The following BRD4 variants were observed in gnomAD, a reference collection of about 807,000 sequenced individuals.
BRD4 encodes bromodomain-containing protein 4.
BRD4 carries 16 observed loss-of-function variants against 142.1 expected under a neutral mutation model. The ratio of observed to expected loss-of-function variants is 0.11; its 90% CI spans 0.08 to 0.17. BRD4 has a LOEUF of 0.17. Ranked by LOEUF, BRD4 falls within the 10% of genes least tolerant of loss-of-function variation. The pLI is 1.00. For missense variants in BRD4, 1,424 were observed against 1,810.9 expected (o/e 0.79, Z 3.88); for synonymous variants, 833 against 707.5 (o/e 1.18, Z -2.82).
At chr19:15,301,211 T>C (rs1193832515) in intron 1 of BRD4, among the ~76,000 whole-genome samples, 1 of 152,236 alleles carries the variant, frequency 6.6e-6, no homozygotes, top group Non-Finnish European at 1.5e-5. Context: ...TGATGCCATT[T>C]TCCATTTAAT....
At chr19:15,271,632 T>C (rs1034869003) in intron 2 of BRD4, among the ~76,000 whole-genome samples, 11 of 152,120 alleles carry the variant, frequency 7.2e-5, no homozygotes, top group South Asian at 4.1e-4. Flanking sequence ...CAGCTAGAGA[T>C]TGGTGCAGTG....
rs1195057308 is a variant in BRD4, at chr19:15,235,599, A to G, written c.*2778T>C. On this transcript the variant is annotated 3_prime_UTR_variant, in exon 20 of 20. Transcript: ENST00000679869. ...AAAAAAAACCTTTCGTATGTAAGTG[A>G]AAAGTCTACGAATTCCCTTCTACAA... 6.6e-6 allele frequency: 1 copy of G among 152,140 alleles called. No homozygotes were observed. Among genetic ancestry groups the G allele is most frequent in the Non-Finnish European group, 1.5e-5 (1 of 68,034 alleles). The allele number at this position is 152,140 out of a possible 1,614,324, so 9.4% of individuals were successfully genotyped here. A position where few individuals can be genotyped will look rare whatever the true frequency, so the allele number is the denominator to read the frequency against.
chr19:15,255,577 C>A lies in BRD4; in HGVS notation c.1767G>T (p.Ala589=). Residue 589 remains alanine, a synonymous_variant, in exon 10 of 20, where the codon GCG becomes GCT. Coordinates refer to ENST00000679869, the MANE Select transcript of BRD4 (RefSeq NM_001379291.1). ...TGGGAGGGGGCTTGCTCTTCATGGGCGCTGGCTCCTTCTTGCTACGAAGGG... is the reference window on the plus strand; with the variant it reads ...TGGGAGGGGGCTTGCTCTTCATGGGAGCTGGCTCCTTCTTGCTACGAAGGG... ...SNSNVSKKEP[A]PMKSKPPPTY... 6.2e-7 allele frequency: 1 copy of A among 1,604,698 alleles called. No individual in the cohort carries two copies. Among genetic ancestry groups the A allele is most frequent in the Non-Finnish European group, 8.5e-7 (1 of 1,172,604 alleles).
intron 1 of BRD4, among the ~76,000 whole-genome samples, chr19:15,322,867 CAAAAAAAAAA>C (rs71333367): frequency 3.1e-5 from 2 of 65,504 alleles, no homozygotes; most frequent in African/African-American, 5.8e-5. Flanking sequence ...ACTCTGTCTC[CAAAAAAAAAA>C]AAAAAAAGAA....
chr19:15,286,412 A>G (rs1368108795), intron 1 of BRD4, among the ~76,000 whole-genome samples: 4 of 152,170 alleles, frequency 2.6e-5, no homozygotes, highest in African/African-American at 9.7e-5. Flanking sequence ...AGGGCATGGG[A>G]GAGGAAGGTG....
chr19:15,251,439 G>C (rs796524792), intron 11 of BRD4, among the ~76,000 whole-genome samples: 1 of 32,638 alleles, frequency 3.1e-5, no homozygotes, highest in Admixed American at 2.6e-4. Context: ...ACACAAGAAC[G>C]GGGGGGGGGG....
chr19:15,272,997 G>T lies in BRD4; in HGVS notation c.103C>A (p.Pro35Thr). 1 of 1,614,154 alleles carries T rather than the reference G, an allele frequency of 6.2e-7. No individual in the cohort carries two copies. The highest frequency in any genetic ancestry group is 8.5e-7 in the Non-Finnish European group (1 of 1,180,020). Residue 35 changes from proline (P) to threonine (T), a missense_variant, in exon 2 of 20, where the codon CCC (proline) becomes ACC (threonine). Around this residue, in one of 16 missense-constraint regions of BRD4, gnomAD observed 70 missense variants for 69.8 expected, o/e 1.00. Transcript: ENST00000679869. ...GTGCTGGCTGCGTTGGCTGGCTGGGGTTGGGCCTGGGCCTGTGTTGTAGAC... is the reference window on the plus strand; with the variant it reads ...GTGCTGGCTGCGTTGGCTGGCTGGGTTTGGGCCTGGGCCTGTGTTGTAGAC... The part of the protein sequence containing the change: ...QMSTTQAQAQ[P>T]QPANAASTNP...
At chr19:15,271,645 C>T (rs1485510058) in intron 2 of BRD4, among the ~76,000 whole-genome samples, 7 of 152,176 alleles carry the variant, frequency 4.6e-5, no homozygotes, top group Admixed American at 2.6e-4. Flanking sequence ...GTGCAGTGAG[C>T]TCCCCCAACA....
intron 1 of BRD4, among the ~76,000 whole-genome samples, chr19:15,298,034 A>G (rs1022554381): frequency 6.6e-6 from 1 of 152,252 alleles, no homozygotes; most frequent in African/African-American, 2.4e-5. Context: ...GCACAAGATG[A>G]TGGCCTGCCT....
At chr19:15,320,526 T>C (rs1006718081) in intron 1 of BRD4, among the ~76,000 whole-genome samples, 3 of 152,200 alleles carry the variant, frequency 2.0e-5, no homozygotes, top group Non-Finnish European at 4.4e-5. Context: ...AGACCTAATG[T>C]GATAAACACA....
intron 11 of BRD4, 183 bp from the exon 12 acceptor site, chr19:15,244,945 TCACCTACC>T: frequency 1.9e-6 from 2 of 1,080,826 alleles, no homozygotes; most frequent in Middle Eastern, 3.1e-4. Flanking sequence ...ATGCGAGGCA[TCACCTACC>T]CACTTGCCTG....
At chr19:15,305,626 T>G (rs1206678192) in intron 1 of BRD4, among the ~76,000 whole-genome samples, 1 of 152,240 alleles carries the variant, frequency 6.6e-6, no homozygotes, top group Non-Finnish European at 1.5e-5. Context: ...CAGAGTAGAT[T>G]TAGCATAATT....
intron 1 of BRD4, among the ~76,000 whole-genome samples, chr19:15,313,532 C>T (rs1197440128): frequency 1.3e-5 from 2 of 151,658 alleles, no homozygotes; most frequent in Admixed American, 6.6e-5. Flanking sequence ...AAAAATTTGC[C>T]GGGCGTGGTG....
At position 15,255,511 on chromosome 19, in the gene BRD4, G is replaced by A; in HGVS notation, c.1833C>T (p.Ser611=). 1.2e-6 allele frequency: 2 copies of A among 1,614,180 alleles called. No homozygotes were observed. The highest frequency in any genetic ancestry group is 1.1e-5 in the South Asian group (1 of 91,086). Residue 611 remains serine (S), a synonymous_variant, in exon 10 of 20, where the codon TCC becomes TCT. Transcript: ENST00000679869. ...AGCTGAGCTGCCGCTTCTCCTCATAGGACATAGGCTTGCACTTGTCCTCTT... is the reference window on the plus strand; with the variant it reads ...AGCTGAGCTGCCGCTTCTCCTCATAAGACATAGGCTTGCACTTGTCCTCTT... ...SEEEDKCKPM[S]YEEKRQLSLD...
At chr19:15,269,897 A>G in intron 2 of BRD4, among the ~76,000 whole-genome samples, 1 of 152,224 alleles carries the variant, frequency 6.6e-6, no homozygotes, top group Non-Finnish European at 1.5e-5. Flanking sequence ...TCATTTTTAA[A>G]AACAACCACA....
chr19:15,302,439 G>A (rs1051631510), intron 1 of BRD4, among the ~76,000 whole-genome samples: 2 of 151,204 alleles, frequency 1.3e-5, no homozygotes, highest in South Asian at 2.1e-4. Flanking sequence ...GTTCGGCCAC[G>A]CACGGTGGCT....
chr19:15,313,836 T>TCC (rs1177922766), intron 1 of BRD4, among the ~76,000 whole-genome samples: 1 of 152,130 alleles, frequency 6.6e-6, no homozygotes, highest in African/African-American at 2.4e-5. Flanking sequence ...GTGTGCATCA[T>TCC]CCACCTTGCT....
Position 15,237,933 on chromosome 19 carries a change from G to C in BRD4, c.*444C>G, listed in dbSNP as rs2145495791. On this transcript the variant is annotated 3_prime_UTR_variant, in exon 20 of 20. Coordinates refer to ENST00000679869, the MANE Select transcript of BRD4 (RefSeq NM_001379291.1). ...GGCCTGCCCTGGCCTCCTGGGAGCG[G>C]GCGGCGATGGCTGGGGTGTGGGGAA... The C allele has an allele frequency of 4.1e-6, 1 of 242,554 alleles. No homozygotes were observed. Among genetic ancestry groups the C allele is most frequent in the East Asian group, 6.0e-5 (1 of 16,746 alleles). 15.0% of individuals were successfully genotyped at this position (242,554 alleles called of 1,614,324 possible).
At chr19:15,316,057 G>A (rs1388796705) in intron 1 of BRD4, among the ~76,000 whole-genome samples, 2 of 149,344 alleles carry the variant, frequency 1.3e-5, no homozygotes, top group Admixed American at 6.8e-5. Flanking sequence ...TTGGGAGGCC[G>A]AGGCAGAAGA....
Sources: gnomAD v4.1 joint callset for allele counts (sites outside exome capture counted in the v4.1 genomes callset) on GRCh38, gnomAD v4.1.1 for gene constraint, gnomAD v4.1.1 regional missense constraint, MANE v1.5 for transcripts, NCBI Gene and HGNC (gene_info 2026-07-23, HGNC 2026-07-21) for gene names.